The following AGK variants were observed in gnomAD, a reference collection of about 807,000 sequenced individuals.
AGK encodes acylglycerol kinase.
In AGK, 52 loss-of-function variants were observed where a neutral mutation model predicts 66.4. The observed-to-expected ratio is 0.78, with a 90% CI of 0.63 to 0.99. AGK has a LOEUF of 0.99. Ranked by LOEUF, AGK falls within the 50% of genes least tolerant of loss-of-function variation. The probability of loss-of-function intolerance (pLI) is 0.00; values close to 1 mark genes in which losing one functional copy is unlikely to be tolerated. For missense variants in AGK, 451 were observed against 506.6 expected (o/e 0.89, Z 1.05); for synonymous variants, 182 against 181.1 (o/e 1.00, Z -0.04).
intron 13 of AGK, among the ~76,000 whole-genome samples, chr7:141,648,072 G>T (rs1328542879): frequency 6.6e-6 from 1 of 152,156 alleles, no homozygotes; most frequent in Non-Finnish European, 1.5e-5. Context: ...GCCCTGGGTG[G>T]CCACATCGCC....
intron 11 of AGK, among the ~76,000 whole-genome samples, chr7:141,638,206 A>G (rs544884636): frequency 2.0e-5 from 3 of 152,276 alleles, no homozygotes; most frequent in African/African-American, 4.8e-5. Flanking sequence ...TGAGAGAAAG[A>G]TAGAAAGATT....
rs542177677 is a variant in AGK, at chr7:141,638,632, T to C, written c.726+1615T>C. 1.4e-4 allele frequency among the ~76,000 whole-genome samples: 21 copies of C among 152,228 alleles called. No homozygotes were observed. The East Asian group carries it at 3.9e-3, about 28-fold the overall frequency. On this transcript the variant is annotated intron_variant, in intron 11 of 15. Coordinates refer to ENST00000649286, the MANE Select transcript of AGK (RefSeq NM_018238.4). ...CGTATAGACTAAGGAGGTAACAGTA[T>C]TGACAATAGAAGATGGATTAAAGAA...
At chr7:141,568,417 C>A (rs996891634) in intron 2 of AGK, among the ~76,000 whole-genome samples, 2 of 152,132 alleles carry the variant, frequency 1.3e-5, no homozygotes, top group African/African-American at 4.8e-5. Context: ...TGGCACAACT[C>A]CCCAACTAAC....
At chr7:141,573,080 T>G (rs1450277915) in intron 2 of AGK, among the ~76,000 whole-genome samples, 2 of 152,178 alleles carry the variant, frequency 1.3e-5, no homozygotes, top group Non-Finnish European at 2.9e-5. Context: ...TCATTCAGAT[T>G]CTGCTGACAT....
intron 2 of AGK, among the ~76,000 whole-genome samples, chr7:141,571,397 C>T (rs1795603444): frequency 6.6e-6 from 1 of 152,196 alleles, no homozygotes; most frequent in Admixed American, 6.5e-5. Flanking sequence ...CCTACTGAGT[C>T]AGAATCTGCT....
At chr7:141,589,468 T>G (rs1242608247) in intron 2 of AGK, among the ~76,000 whole-genome samples, 1 of 152,224 alleles carries the variant, frequency 6.6e-6, no homozygotes, top group Non-Finnish European at 1.5e-5. Context: ...ATCTTTTTTC[T>G]TTGAGGATGT....
At chr7:141,580,478 G>C (rs990635007) in intron 2 of AGK, among the ~76,000 whole-genome samples, 6 of 152,022 alleles carry the variant, frequency 3.9e-5, no homozygotes, top group Non-Finnish European at 8.8e-5. Flanking sequence ...GTGGTATCTG[G>C]AATAATGTGG....
chr7:141,569,305 G>T (rs2116873834), intron 2 of AGK, among the ~76,000 whole-genome samples: 1 of 152,252 alleles, frequency 6.6e-6, no homozygotes, highest in East Asian at 1.9e-4. Context: ...GGAGGCCGAG[G>T]CGGGCACATC....
chr7:141,616,644 C>A (rs1447231759), intron 8 of AGK, among the ~76,000 whole-genome samples: 1 of 151,920 alleles, frequency 6.6e-6, no homozygotes, highest in East Asian at 1.9e-4. Flanking sequence ...ATTCAAACTT[C>A]TTTTATATTT....
At chr7:141,637,853 A>G (rs571470472) in intron 11 of AGK, among the ~76,000 whole-genome samples, 52 of 152,334 alleles carry the variant, frequency 3.4e-4, no homozygotes, top group African/African-American at 1.2e-3. Flanking sequence ...GCTGGATTAA[A>G]AAATTAAATG....
intron 13 of AGK, among the ~76,000 whole-genome samples, chr7:141,644,441 A>G (rs1198372326): frequency 1.3e-5 from 2 of 152,230 alleles, no homozygotes; most frequent in Non-Finnish European, 2.9e-5. Flanking sequence ...ATGCAATACA[A>G]TAAAGGCAGT....
intron 9 of AGK, among the ~76,000 whole-genome samples, chr7:141,631,515 T>A (rs1013878026): frequency 1.3e-5 from 2 of 152,136 alleles, no homozygotes; most frequent in African/African-American, 4.8e-5. Flanking sequence ...AATTCTGGAG[T>A]CATCTTTGAC....
At chr7:141,637,122 G>T in intron 11 of AGK, 105 bp downstream of exon 11, 1 of 886,508 alleles carries the variant, frequency 1.1e-6, no homozygotes, top group Non-Finnish European at 1.8e-6. Context: ...GATGAATGTG[G>T]CATGCTTCAA....
At chr7:141,602,539 T>C (rs1298944749) in intron 5 of AGK, among the ~76,000 whole-genome samples, 3 of 152,110 alleles carry the variant, frequency 2.0e-5, no homozygotes, top group Non-Finnish European at 4.4e-5. Flanking sequence ...TAATGTCTCA[T>C]TTTCATTCTC....
At chr7:141,557,326 A>G (rs1462583640) in intron 2 of AGK, among the ~76,000 whole-genome samples, 1 of 152,258 alleles carries the variant, frequency 6.6e-6, no homozygotes, top group Non-Finnish European at 1.5e-5. Flanking sequence ...AAAAGCAGAC[A>G]TAAGAAGCTT....
intron 9 of AGK, among the ~76,000 whole-genome samples, chr7:141,629,993 T>C (rs1160914597): frequency 6.6e-6 from 1 of 152,230 alleles, no homozygotes; most frequent in Non-Finnish European, 1.5e-5. Context: ...AAATGTGTAA[T>C]GTACATTAAC....
chr7:141,626,542 A>G (rs1796941817), intron 9 of AGK, among the ~76,000 whole-genome samples: 1 of 152,232 alleles, frequency 6.6e-6, no homozygotes, highest in African/African-American at 2.4e-5. Flanking sequence ...ATAATGGATA[A>G]ACTGACATTG....
At chr7:141,615,630 T>C in intron 8 of AGK, 65 bp downstream of exon 8, 1 of 1,254,688 alleles carries the variant, frequency 8.0e-7, no homozygotes, top group Non-Finnish European at 1.2e-6. Flanking sequence ...AAAATTTATG[T>C]GTATGCTATA....
At chr7:141,576,563 T>A (rs531732191) in intron 2 of AGK, among the ~76,000 whole-genome samples, 1 of 149,330 alleles carries the variant, frequency 6.7e-6, no homozygotes, top group East Asian at 2.0e-4. Flanking sequence ...TTTGAACTAC[T>A]GATTAGAACT....
Sources: gnomAD v4.1 joint callset for allele counts (sites outside exome capture counted in the v4.1 genomes callset) on GRCh38, gnomAD v4.1.1 for gene constraint, MANE v1.5 for transcripts, NCBI Gene and HGNC (gene_info 2026-07-23, HGNC 2026-07-21) for gene names.